Variants in PRORP observed in about 807,000 individuals in gnomAD.
PRORP encodes protein only RNase P catalytic subunit, also known as mitochondrial ribonuclease P catalytic subunit.
PRORP carries 51 observed loss-of-function variants against 59.4 expected under a neutral mutation model. That is an observed-to-expected ratio of 0.86 (90% CI 0.69 to 1.08). The LOEUF is 1.08. Ranked by LOEUF, PRORP falls within the 50% of genes least tolerant of loss-of-function variation. The pLI is 0.00. For synonymous variants in PRORP, 231 were observed against 245.6 expected, an observed-to-expected ratio of 0.94 and a Z score of 0.55; for missense variants, 646 against 690.3, an observed-to-expected ratio of 0.94 and a Z score of 0.72.
chr14:35,198,714 A>G (rs961175393), intron 5 of PRORP, among the ~76,000 whole-genome samples: 3 of 152,254 alleles, frequency 2.0e-5, no homozygotes, highest in Admixed American at 2.0e-4. Context: ...TTCTAGTATC[A>G]GAATTGCCTT....
intron 4 of PRORP, among the ~76,000 whole-genome samples, chr14:35,152,996 G>A (rs1293571283): frequency 1.3e-5 from 2 of 152,178 alleles, no homozygotes; most frequent in Admixed American, 6.5e-5. Context: ...GGTGGCGGCC[G>A]GGCAGAGGCT....
chr14:35,161,432 A>G (rs2048057701), intron 4 of PRORP, among the ~76,000 whole-genome samples: 2 of 152,162 alleles, frequency 1.3e-5, no homozygotes, highest in Admixed American at 1.3e-4. Context: ...GGCACTTTAG[A>G]GCAGATTCTG....
chr14:35,213,214 T>C (rs1352149130), intron 5 of PRORP, among the ~76,000 whole-genome samples: 1 of 152,204 alleles, frequency 6.6e-6, no homozygotes, highest in Admixed American at 6.5e-5. Context: ...ATCTCAGCAA[T>C]AGGCTGTTTT....
chr14:35,144,265 G>A (rs1202264748), intron 4 of PRORP: 1 of 146,440 alleles, frequency 6.8e-6, no homozygotes, highest in East Asian at 2.3e-4. Context: ...TGGCATAATA[G>A]TCCAGCTTGT....
At chr14:35,139,548 T>A (rs998883658) in intron 4 of PRORP, among the ~76,000 whole-genome samples, 1 of 145,832 alleles carries the variant, frequency 6.9e-6, no homozygotes, top group Admixed American at 7.1e-5. Flanking sequence ...GATTTCATCC[T>A]TGTTTTGTGT....
chr14:35,172,811 C>T (rs2048355638), intron 4 of PRORP, among the ~76,000 whole-genome samples: 2 of 151,716 alleles, frequency 1.3e-5, no homozygotes, highest in South Asian at 2.1e-4. Flanking sequence ...CGTGATCCAC[C>T]TGCCTTGGCG....
At chr14:35,240,088 A>G (rs895038150) in intron 5 of PRORP, among the ~76,000 whole-genome samples, 7 of 151,856 alleles carry the variant, frequency 4.6e-5, no homozygotes, top group South Asian at 2.1e-4. Flanking sequence ...AAAAAAAAAA[A>G]AAGAAGAAGA....
chr14:35,255,258 G>T (rs995271183), intron 5 of PRORP, among the ~76,000 whole-genome samples: 3 of 152,072 alleles, frequency 2.0e-5, no homozygotes, highest in East Asian at 3.9e-4. Flanking sequence ...CTCCCAAGTA[G>T]CTGGGACTAC....
Position 35,266,824 on chromosome 14 carries a change from A to G in PRORP, c.1373A>G (p.Asp458Gly). ...MLRRSSQWSR[D>G]EMEEVQKQAS... is the part of the protein sequence containing the mutation. ...AGACGGAGTTCCCAGTGGAGTCGGG[A>G]TGAGATGGAAGAGGTGCAAAAGCAA... Residue 458 changes from aspartate (D) to glycine (G), a missense_variant, in exon 6 of 8, where the codon GAT (aspartate) becomes GGT (glycine). Physicochemically the swap from Asp to Gly is moderately conservative, Grantham distance 94 (BLOSUM62 -1). Transcript: ENST00000534898. 6.2e-7 allele frequency: 1 copy of G among 1,614,164 alleles called. No homozygotes were observed. Among genetic ancestry groups the G allele is most frequent in the African/African-American group, 1.3e-5 (1 of 75,034 alleles).
intron 5 of PRORP, among the ~76,000 whole-genome samples, chr14:35,193,480 A>G (rs1478662315): frequency 1.3e-5 from 2 of 152,198 alleles, no homozygotes; most frequent in East Asian, 3.8e-4. Context: ...TAAAGTGTTT[A>G]CTTGACAGTA....
chr14:35,220,673 A>G (rs2049749877), intron 5 of PRORP, among the ~76,000 whole-genome samples: 1 of 152,242 alleles, frequency 6.6e-6, no homozygotes, highest in Non-Finnish European at 1.5e-5. Flanking sequence ...GATGAAGACA[A>G]CTACTATATT....
chr14:35,187,370 T>G (rs535339187), intron 5 of PRORP, among the ~76,000 whole-genome samples: 1 of 152,174 alleles, frequency 6.6e-6, no homozygotes, highest in South Asian at 2.1e-4. Context: ...AGTGGTATCT[T>G]TTTTTGTTTG....
intron 4 of PRORP, among the ~76,000 whole-genome samples, chr14:35,146,367 A>G (rs186190953): frequency 2.6e-4 from 39 of 152,336 alleles, no homozygotes; most frequent in South Asian, 2.1e-3. Context: ...GTTTCTCTAA[A>G]TACAAATTTA....
At chr14:35,154,213 A>G (rs1455272771) in intron 4 of PRORP, among the ~76,000 whole-genome samples, 1 of 152,216 alleles carries the variant, frequency 6.6e-6, no homozygotes, top group Non-Finnish European at 1.5e-5. Flanking sequence ...AGTGCACAGT[A>G]GAACAGGAAG....
intron 5 of PRORP, among the ~76,000 whole-genome samples, chr14:35,198,553 C>T (rs1475551496): frequency 1.3e-5 from 2 of 152,196 alleles, no homozygotes; most frequent in Non-Finnish European, 2.9e-5. Context: ...CACTTCAGAT[C>T]CATGGTAATC....
intron 5 of PRORP, among the ~76,000 whole-genome samples, chr14:35,236,659 C>T (rs2050222182): frequency 6.6e-6 from 1 of 152,216 alleles, no homozygotes; most frequent in South Asian, 2.1e-4. Flanking sequence ...TCTTATCCTT[C>T]TCATTACACT....
rs1265008534 is a variant in PRORP at position 35,122,934 on chromosome 14, C to T, written c.-294-18C>T. 3 of 288,114 alleles carry T rather than the reference C, an allele frequency of 1.0e-5. No individual in the cohort carries two copies. Among genetic ancestry groups the T allele is most frequent in the Non-Finnish European group, 2.0e-5 (3 of 151,304 alleles). The allele number at this position is 288,114 out of a possible 1,614,324, so 17.8% of individuals were successfully genotyped here. On this transcript the variant is annotated intron_variant, in intron 1 of 7. Transcript: ENST00000534898. ...ACGTGAGTAAAACTGGGCGTTCCGT[C>T]TTGTGCTTTTTCCTCAGGTTCATGA...
chr14:35,193,810 A>G (rs1317566341), intron 5 of PRORP, among the ~76,000 whole-genome samples: 1 of 152,118 alleles, frequency 6.6e-6, no homozygotes, highest in Non-Finnish European at 1.5e-5. Context: ...TGACTTTTAA[A>G]TACTCTTTTC....
intron 5 of PRORP, among the ~76,000 whole-genome samples, chr14:35,263,327 A>G (rs1425901008): frequency 6.6e-6 from 1 of 152,224 alleles, no homozygotes; most frequent in Non-Finnish European, 1.5e-5. Context: ...GAAAAAATAT[A>G]TTTATGACCC....
Sources: allele counts gnomAD v4.1 joint callset (sites outside exome capture counted in the v4.1 genomes callset), GRCh38; gene constraint gnomAD v4.1.1; transcripts MANE v1.5; gene names NCBI Gene and HGNC (gene_info 2026-07-23, HGNC 2026-07-21).